The following SMYD3 variants were observed in gnomAD, a reference collection of about 807,000 sequenced individuals.
SMYD3 encodes the protein SET and MYND domain containing 3, also known as histone-lysine N-methyltransferase SMYD3.
A neutral mutation model predicts 57.7 loss-of-function variants in SMYD3; 36 were observed. That is an observed-to-expected ratio of 0.62 (90% confidence interval 0.48 to 0.82). The LOEUF (loss-of-function observed/expected upper bound fraction) is 0.82, where lower values mean the gene tolerates loss of function less well. SMYD3 is among the 40% of genes least tolerant of loss of function. SMYD3 has a pLI of 0.00. For synonymous variants in SMYD3, 211 were observed against 195.0 expected, an observed-to-expected ratio of 1.08 and a Z score of -0.68; for missense variants, 515 against 538.8, an observed-to-expected ratio of 0.96 and a Z score of 0.44.
chr1:246,263,358 TACCCAGGTC>T (rs1170053148), intron 5 of SMYD3, among the ~76,000 whole-genome samples: 7 of 134,338 alleles, frequency 5.2e-5, no homozygotes, highest in Non-Finnish European at 1.1e-4. Flanking sequence ...CCTGGGCACA[TACCCAGGTC>T]AGAGTTAGGG....
chr1:246,436,809 AGGT>A (rs1400640612), intron 1 of SMYD3, among the ~76,000 whole-genome samples: 42 of 152,068 alleles, frequency 2.8e-4, no homozygotes, highest in Admixed American at 2.8e-3. Context: ...AGAGCCCCAA[AGGT>A]AATGGTCATT....
At position 246,444,533 on chromosome 1, in the gene SMYD3, G is replaced by A. The variant is rs1015714103; in HGVS notation, c.164+62521C>T. ...TTTGTGCTGGGTCAGAAGCATGACT[G>A]ACTGCCTTTGTCAAGTGGGAGGAAA... On this transcript the variant is annotated intron_variant, in intron 1 of 11. Transcript: ENST00000490107. 3.9e-5 allele frequency among the ~76,000 whole-genome samples: 6 copies of A among 152,308 alleles called. No homozygotes were observed. In the East Asian group the frequency reaches 1.2e-3, roughly 29 times the overall value.
chr1:246,377,301 T>G (rs189306008), intron 1 of SMYD3, among the ~76,000 whole-genome samples: 1 of 152,010 alleles, frequency 6.6e-6, no homozygotes, highest in South Asian at 2.1e-4. Flanking sequence ...TTCAATCTAC[T>G]GCAATGTAGC....
chr1:246,022,223 G>A (rs942702169), intron 5 of SMYD3, among the ~76,000 whole-genome samples: 3 of 152,176 alleles, frequency 2.0e-5, no homozygotes, highest in African/African-American at 7.2e-5. Flanking sequence ...GGCAAAAATT[G>A]TTTTCAAAAA....
chr1:246,301,261 C>T (rs1352973123), intron 5 of SMYD3, among the ~76,000 whole-genome samples: 2 of 152,268 alleles, frequency 1.3e-5, no homozygotes, highest in African/African-American at 2.4e-5. Flanking sequence ...TTCCACCATT[C>T]GACAGATTCA....
intron 7 of SMYD3, among the ~76,000 whole-genome samples, chr1:245,922,404 A>G (rs573225292): frequency 2.8e-4 from 43 of 152,346 alleles, no homozygotes; most frequent in Admixed American, 1.9e-3. Flanking sequence ...ATCTGTGTAG[A>G]TGTCATCATG....
intron 5 of SMYD3, among the ~76,000 whole-genome samples, chr1:245,963,208 T>C (rs531031367): frequency 3.3e-5 from 5 of 152,272 alleles, no homozygotes; most frequent in African/African-American, 9.6e-5. Context: ...TTATTCCACA[T>C]TGTATTAAAA....
intron 7 of SMYD3, among the ~76,000 whole-genome samples, chr1:245,919,435 G>C (rs536890195): frequency 6.6e-6 from 1 of 152,156 alleles, no homozygotes; most frequent in Admixed American, 6.5e-5. Flanking sequence ...AGCCTCCTGA[G>C]AGCCTCTCAT....
intron 10 of SMYD3, among the ~76,000 whole-genome samples, chr1:245,796,157 T>C (rs913293388): frequency 6.6e-6 from 1 of 152,196 alleles, no homozygotes; most frequent in Non-Finnish European, 1.5e-5. Context: ...AGCAGACTTC[T>C]TGGGTTGGGA....
intron 1 of SMYD3, 45 bp downstream of exon 1, chr1:246,507,009 C>T: frequency 1.5e-6 from 2 of 1,356,752 alleles, no homozygotes; most frequent in African/African-American, 1.5e-5. Flanking sequence ...CCCCAGCACC[C>T]CACACAGCTC....
At chr1:246,120,854 G>C (rs539796354) in intron 5 of SMYD3, among the ~76,000 whole-genome samples, 1 of 152,142 alleles carries the variant, frequency 6.6e-6, no homozygotes, top group African/African-American at 2.4e-5. Context: ...CAGAAGGGCA[G>C]GGAGCACGTA....
intron 5 of SMYD3, among the ~76,000 whole-genome samples, chr1:246,069,094 AT>A (rs2060398957): frequency 6.6e-6 from 1 of 152,158 alleles, no homozygotes; most frequent in South Asian, 2.1e-4. Context: ...ATTCTCTCCA[AT>A]TTTGAGATGC....
rs1208204784 is a variant in SMYD3, at chr1:246,220,764, CG to C, written c.531+106436del. 3.3e-5 allele frequency among the ~76,000 whole-genome samples: 5 copies of C among 152,166 alleles called. 1 individual carries two copies. Among genetic ancestry groups the C allele is most frequent in the African/African-American group, 7.2e-5 (3 of 41,424 alleles). ...GAGTGGAAACTTGTGGTGCCTTTTCCGGCCCACCCATGGCCACCTATGGACC... is the reference window on the plus strand; with the variant it reads ...GAGTGGAAACTTGTGGTGCCTTTTCCGCCCACCCATGGCCACCTATGGACC... On this transcript the variant is annotated intron_variant, in intron 5 of 11. Transcript: ENST00000490107.
intron 5 of SMYD3, among the ~76,000 whole-genome samples, chr1:246,129,462 T>C (rs991608463): frequency 7.9e-5 from 12 of 152,174 alleles, no homozygotes; most frequent in African/African-American, 2.9e-4. Flanking sequence ...CTCAGCTTTT[T>C]TGTGAGAGTT....
At position 246,136,928 on chromosome 1, in the gene SMYD3, G is replaced by A. The variant is rs145805489; in HGVS notation, c.531+190273C>T. 3.0e-3 allele frequency among the ~76,000 whole-genome samples: 455 copies of A among 152,270 alleles called. 1 individual carries two copies. Among genetic ancestry groups the A allele is most frequent in the Non-Finnish European group, 4.9e-3 (330 of 68,016 alleles). The stretch of plus-strand genomic sequence containing the variant: ...ACAGACCTAACTAAAAGCAATGAGA[G>A]TTCACGGAAAGTTTTTAACTCTATT... On this transcript the variant is annotated intron_variant, in intron 5 of 11. Coordinates refer to ENST00000490107, the MANE Select transcript of SMYD3 (RefSeq NM_001167740.2).
chr1:245,871,151 T>A (rs190036808), intron 8 of SMYD3, among the ~76,000 whole-genome samples: 1 of 152,336 alleles, frequency 6.6e-6, no homozygotes, highest in African/African-American at 2.4e-5. Flanking sequence ...TTTTAGTTTT[T>A]AAAGTAGAAT....
At chr1:245,956,478 G>C (rs1447022850) in intron 5 of SMYD3, among the ~76,000 whole-genome samples, 1 of 152,172 alleles carries the variant, frequency 6.6e-6, no homozygotes, top group Non-Finnish European at 1.5e-5. Flanking sequence ...GTGACGTGTT[G>C]GGTGCCTACC....
intron 5 of SMYD3, among the ~76,000 whole-genome samples, chr1:246,271,968 C>T (rs1304998785): frequency 6.6e-6 from 1 of 152,096 alleles, no homozygotes; most frequent in African/African-American, 2.4e-5. Flanking sequence ...CCTTTAATTT[C>T]TTTCAGCAAT....
intron 5 of SMYD3, among the ~76,000 whole-genome samples, chr1:246,169,086 G>A (rs74154370): frequency 0.071 from 10,786 of 152,038 alleles, 545 homozygotes; most frequent in African/African-American, 0.13. Flanking sequence ...TCCTTAGAGA[G>A]CCTGGCTTTT....
Sources: allele counts gnomAD v4.1 joint callset (sites outside exome capture counted in the v4.1 genomes callset), GRCh38; gene constraint gnomAD v4.1.1; transcripts MANE v1.5; gene names NCBI Gene and HGNC (gene_info 2026-07-23, HGNC 2026-07-21).